The following VPS50 variants were observed in gnomAD, a reference collection of about 807,000 sequenced individuals.
The protein encoded by VPS50 is VPS50 subunit of EARP/GARPII complex.
A neutral mutation model predicts 139.7 loss-of-function variants in VPS50; 70 were observed. The ratio of observed to expected loss-of-function variants is 0.50; its 90% CI spans 0.41 to 0.61. VPS50 has a LOEUF of 0.61. Ranked by LOEUF, VPS50 falls within the 20% of genes least tolerant of loss-of-function variation. The probability of loss-of-function intolerance (pLI) is 0.00; values close to 1 mark genes in which losing one functional copy is unlikely to be tolerated. For synonymous variants in VPS50, 365 were observed against 376.7 expected, an observed-to-expected ratio of 0.97 and a Z score of 0.36; for missense variants, 921 against 1,133.7, an observed-to-expected ratio of 0.81 and a Z score of 2.69.
chr7:93,247,407 A>G (rs543356718), intron 2 of VPS50, among the ~76,000 whole-genome samples: 1 of 151,974 alleles, frequency 6.6e-6, no homozygotes, highest in South Asian at 2.1e-4. Flanking sequence ...TGCGGAAGCC[A>G]CCCTTTATTG....
chr7:93,331,737 T>C (rs1409919004), intron 21 of VPS50, among the ~76,000 whole-genome samples: 1 of 152,070 alleles, frequency 6.6e-6, no homozygotes, highest in African/African-American at 2.4e-5. Flanking sequence ...ATTGATAAAA[T>C]GGGCTTCCTC....
chr7:93,341,828 A>G (rs1321495419), intron 23 of VPS50, among the ~76,000 whole-genome samples: 1 of 152,240 alleles, frequency 6.6e-6, no homozygotes, highest in East Asian at 1.9e-4. Context: ...TCCATGCTTT[A>G]AGTACAACTT....
At chr7:93,351,872 T>C (rs1338029512) in intron 25 of VPS50, among the ~76,000 whole-genome samples, 4 of 152,220 alleles carry the variant, frequency 2.6e-5, no homozygotes, top group African/African-American at 9.7e-5. Flanking sequence ...TTCAGTTATT[T>C]GTTATTCCAG....
At chr7:93,291,587 A>G in intron 12 of VPS50, 116 bp from the exon 13 acceptor site, 1 of 567,892 alleles carries the variant, frequency 1.8e-6, no homozygotes, top group Non-Finnish European at 2.8e-6. Flanking sequence ...ATGTCAGTTG[A>G]AGAAATTTTC....
intron 12 of VPS50, among the ~76,000 whole-genome samples, chr7:93,289,430 G>T (rs1796586015): frequency 1.3e-5 from 2 of 151,686 alleles, no homozygotes; most frequent in South Asian, 4.1e-4. Context: ...GCTCTTTATT[G>T]TGAATATATG....
chr7:93,280,526 A>G (rs1241114768), intron 12 of VPS50, among the ~76,000 whole-genome samples: 1 of 152,162 alleles, frequency 6.6e-6, no homozygotes, highest in Non-Finnish European at 1.5e-5. Flanking sequence ...TGTACCCTAC[A>G]TATTTACACC....
Position 93,349,747 on chromosome 7 carries a change from T to G in VPS50, c.2305-128T>G, listed in dbSNP as rs1175882806. ...AATATTCAAATTATTTTCATCATAA[T>G]TTAAATCTCCAAATATATAGTGTTT... On this transcript the variant is annotated intron_variant, in intron 24 of 27. Transcript: ENST00000305866. The G allele has an allele frequency of 1.2e-5, 8 of 669,222 alleles. No individual in the cohort carries two copies. The Admixed American group carries it at 2.3e-4, about 19-fold the overall frequency. The allele number at this position is 669,222 out of a possible 1,614,324, so 41.5% of individuals were successfully genotyped here.
At chr7:93,286,726 T>G (rs1796496965) in intron 12 of VPS50, among the ~76,000 whole-genome samples, 1 of 152,152 alleles carries the variant, frequency 6.6e-6, no homozygotes, top group African/African-American at 2.4e-5. Context: ...ATCTCTCTGG[T>G]TATGATTCAT....
At chr7:93,343,142 G>A (rs1798277037) in intron 23 of VPS50, among the ~76,000 whole-genome samples, 1 of 152,146 alleles carries the variant, frequency 6.6e-6, no homozygotes, top group Non-Finnish European at 1.5e-5. Flanking sequence ...GCTTAAAGGA[G>A]CTGATGGAGC....
intron 1 of VPS50, among the ~76,000 whole-genome samples, chr7:93,238,403 G>T (rs1794882916): frequency 2.6e-5 from 4 of 151,934 alleles, no homozygotes; most frequent in Admixed American, 1.3e-4. Flanking sequence ...CCTGACCAAT[G>T]ACTTCTACCT....
intron 20 of VPS50, among the ~76,000 whole-genome samples, chr7:93,314,375 C>G (rs376585356): frequency 3.0e-4 from 45 of 152,220 alleles, no homozygotes; most frequent in African/African-American, 1.1e-3. Context: ...CAGGTGGTAA[C>G]TAAATTTATT....
chr7:93,271,214 T>TTA lies in VPS50; in HGVS notation c.660-6_660-5insTA. ...AGAAAAAAACTGTTTTTTTTTTTTT[T>TTA]AATAGTGAACTGAATTCAAAGCTGC... is the stretch of plus-strand genomic sequence containing the variant. On this transcript the variant is annotated splice_polypyrimidine_tract_variant and splice_region_variant and intron_variant, in intron 9 of 27. Transcript: ENST00000305866. 1 of 1,567,078 alleles carries TTA rather than the reference T, an allele frequency of 6.4e-7. No homozygotes were observed. The highest frequency in any genetic ancestry group is 8.6e-7 in the Non-Finnish European group (1 of 1,162,764).
At chr7:93,343,509 G>T (rs1798290886) in intron 23 of VPS50, among the ~76,000 whole-genome samples, 1 of 152,042 alleles carries the variant, frequency 6.6e-6, no homozygotes, top group African/African-American at 2.4e-5. Flanking sequence ...CTCGAGAAGA[G>T]CAACACCAAG....
At chr7:93,279,990 A>G (rs1796274679) in intron 12 of VPS50, among the ~76,000 whole-genome samples, 1 of 147,930 alleles carries the variant, frequency 6.8e-6, no homozygotes, top group Non-Finnish European at 1.5e-5. Flanking sequence ...GAACTAATTA[A>G]AAAAAAAAGA....
intron 21 of VPS50, among the ~76,000 whole-genome samples, chr7:93,333,396 C>T (rs972324451): frequency 6.6e-6 from 1 of 152,118 alleles, no homozygotes; most frequent in Non-Finnish European, 1.5e-5. Context: ...ATAGCTTACT[C>T]TTAATAATGT....
rs374347910 is a variant in VPS50, at chr7:93,234,994, G to A, written c.33+2494G>A. On this transcript the variant is annotated intron_variant, in intron 1 of 27. Coordinates refer to ENST00000305866, the MANE Select transcript of VPS50 (RefSeq NM_017667.4). ...CAGACACGGTGATAAACACTGTAGAGGAAAAGAGGATAGAAAGTCCTGGGA... is the reference window on the plus strand; with the variant it reads ...CAGACACGGTGATAAACACTGTAGAAGAAAAGAGGATAGAAAGTCCTGGGA... Among the ~76,000 whole-genome samples, 5 of 152,088 alleles carry A rather than the reference G, an allele frequency of 3.3e-5. No individual in the cohort carries two copies. The East Asian group carries it at 5.8e-4, about 18-fold the overall frequency.
chr7:93,304,542 C>G (rs1228593260), intron 17 of VPS50, among the ~76,000 whole-genome samples: 1 of 151,640 alleles, frequency 6.6e-6, no homozygotes, highest in Non-Finnish European at 1.5e-5. Context: ...TAAGAATTCT[C>G]AAAGATTTAA....
At chr7:93,342,335 G>A (rs372022300) in intron 23 of VPS50, among the ~76,000 whole-genome samples, 8 of 152,180 alleles carry the variant, frequency 5.3e-5, no homozygotes, top group South Asian at 2.1e-4. Flanking sequence ...CCATGCCCAC[G>A]AAGTCTCGCT....
intron 21 of VPS50, among the ~76,000 whole-genome samples, chr7:93,329,405 G>C (rs1267064779): frequency 6.6e-6 from 1 of 151,980 alleles, no homozygotes; most frequent in Non-Finnish European, 1.5e-5. Flanking sequence ...TATACAAAGT[G>C]AAGAGCGTAA....
Sources: allele counts gnomAD v4.1 joint callset (sites outside exome capture counted in the v4.1 genomes callset), GRCh38; gene constraint gnomAD v4.1.1; transcripts MANE v1.5; gene names NCBI Gene and HGNC (gene_info 2026-07-23, HGNC 2026-07-21).